The following SPOCK1 variants were observed in gnomAD, a reference collection of about 807,000 sequenced individuals.
The protein encoded by SPOCK1 is SPARC (osteonectin), cwcv and kazal like domains proteoglycan 1.
Under a neutral mutation model 55.3 loss-of-function variants are expected in SPOCK1, and 23 were observed. The observed-to-expected ratio is 0.42, with a 90% CI of 0.30 to 0.59. SPOCK1 has a LOEUF of 0.59. SPOCK1 is among the 20% of genes least tolerant of loss of function. The probability of loss-of-function intolerance (pLI) is 0.22; values close to 1 mark genes in which losing one functional copy is unlikely to be tolerated. For synonymous variants in SPOCK1, 226 were observed against 221.0 expected (o/e 1.02, Z -0.20); for missense variants, 499 against 552.5 (o/e 0.90, Z 0.97).
At chr5:136,998,496 G>A (rs891568912) in intron 6 of SPOCK1, among the ~76,000 whole-genome samples, 4 of 152,206 alleles carry the variant, frequency 2.6e-5, no homozygotes, top group African/African-American at 9.6e-5. Context: ...ATCCTGCTGG[G>A]CCATCCCCAC....
At chr5:137,059,842 T>C (rs964338568) in intron 6 of SPOCK1, among the ~76,000 whole-genome samples, 3 of 152,080 alleles carry the variant, frequency 2.0e-5, no homozygotes, top group Non-Finnish European at 2.9e-5. Context: ...AACAAGCATA[T>C]GAAAAAATGC....
rs533159672 is a variant in SPOCK1, at chr5:137,418,997, C to T, written c.186+79376G>A. Among the ~76,000 whole-genome samples, 3 of 152,258 alleles carry T rather than the reference C, an allele frequency of 2.0e-5. No individual in the cohort carries two copies. In the South Asian group the frequency reaches 6.2e-4, roughly 32 times the overall value. On this transcript the variant is annotated intron_variant, in intron 2 of 10. Coordinates refer to ENST00000394945, the MANE Select transcript of SPOCK1 (RefSeq NM_004598.4). ...TTTGTATAAGGTGTAAGGAAGGGATCCAGTTTCAGCTTTCTACATATGGCT... is the reference window on the plus strand; with the variant it reads ...TTTGTATAAGGTGTAAGGAAGGGATTCAGTTTCAGCTTTCTACATATGGCT...
chr5:137,256,093 C>T (rs1756624801), intron 3 of SPOCK1, among the ~76,000 whole-genome samples: 3 of 152,286 alleles, frequency 2.0e-5, no homozygotes, highest in Admixed American at 6.5e-5. Flanking sequence ...ACATGGGTTC[C>T]ACTTTTGTTC....
intron 2 of SPOCK1, among the ~76,000 whole-genome samples, chr5:137,488,305 C>A (rs574037466): frequency 6.6e-6 from 1 of 151,918 alleles, no homozygotes; most frequent in Non-Finnish European, 1.5e-5. Context: ...TGAACCCAAG[C>A]GGCAGAGGTT....
At chr5:137,067,285 TAAAG>T (rs1752527373) in intron 6 of SPOCK1, among the ~76,000 whole-genome samples, 1 of 152,180 alleles carries the variant, frequency 6.6e-6, no homozygotes, top group African/African-American at 2.4e-5. Context: ...AATATATTAA[TAAAG>T]AAATACTTTA....
chr5:137,067,917 TCACAA>T, intron 5 of SPOCK1, 88 bp from the exon 6 acceptor site: 1 of 1,078,926 alleles, frequency 9.3e-7, no homozygotes, highest in Non-Finnish European at 1.4e-6. Context: ...GCCCTTTGCT[TCACAA>T]AAGCAAAGAC....
chr5:137,069,718 G>A (rs115736824), intron 5 of SPOCK1, among the ~76,000 whole-genome samples: 88 of 152,290 alleles, frequency 5.8e-4, no homozygotes, highest in African/African-American at 1.9e-3. Context: ...TGCCTCCTCC[G>A]CCTCTTCTGG....
intron 6 of SPOCK1, among the ~76,000 whole-genome samples, chr5:136,996,881 G>A (rs1235951603): frequency 6.6e-6 from 1 of 152,106 alleles, no homozygotes; most frequent in Non-Finnish European, 1.5e-5. Context: ...AACCCTCTCG[G>A]TTCCCCTTCC....
rs1258794443 is a variant in SPOCK1, at chr5:136,976,207, C to T, written c.*2447G>A. 10 of 152,170 alleles carry T rather than the reference C, an allele frequency of 6.6e-5. No homozygotes were observed. The highest frequency in any genetic ancestry group is 2.4e-4 in the African/African-American group (10 of 41,440). The allele number at this position is 152,170 out of a possible 1,614,324, so 9.4% of individuals were successfully genotyped here. ...CGAATGCTGTCATGTCAAAGTGAGG[C>T]ATGAAAAGTATTATTAATGTGGCTC... On this transcript the variant is annotated 3_prime_UTR_variant, in exon 11 of 11. Coordinates refer to ENST00000394945, the MANE Select transcript of SPOCK1 (RefSeq NM_004598.4).
chr5:137,301,445 A>G (rs564312020), intron 2 of SPOCK1, among the ~76,000 whole-genome samples: 12 of 152,252 alleles, frequency 7.9e-5, no homozygotes, highest in Admixed American at 2.6e-4. Context: ...ACCAGTTGTG[A>G]ACTCCTTCAG....
intron 7 of SPOCK1, 80 bp from the exon 8 acceptor site, chr5:136,988,723 A>G: frequency 7.3e-7 from 1 of 1,375,136 alleles, no homozygotes; most frequent in Non-Finnish European, 9.9e-7. Context: ...TTCTGCCCCA[A>G]GAAGATGCCA....
At chr5:137,243,949 A>G (rs964549379) in intron 3 of SPOCK1, among the ~76,000 whole-genome samples, 1 of 152,212 alleles carries the variant, frequency 6.6e-6, no homozygotes, top group Non-Finnish European at 1.5e-5. Context: ...ATTTAACCAG[A>G]TAAAAGCAAT....
chr5:137,221,720 T>C (rs1755852249), intron 3 of SPOCK1, among the ~76,000 whole-genome samples: 1 of 152,248 alleles, frequency 6.6e-6, no homozygotes. Context: ...GGCATGAATA[T>C]TCATTATTTT....
intron 6 of SPOCK1, among the ~76,000 whole-genome samples, chr5:137,062,681 C>T (rs1752416084): frequency 6.6e-6 from 1 of 151,776 alleles, no homozygotes; most frequent in African/African-American, 2.4e-5. Context: ...ACGGGGCTGA[C>T]TGTTGGGTCC....
chr5:137,401,389 C>T (rs897468498), intron 2 of SPOCK1, among the ~76,000 whole-genome samples: 18 of 151,902 alleles, frequency 1.2e-4, no homozygotes, highest in African/African-American at 4.1e-4. Flanking sequence ...CAGGTTGACC[C>T]TATGCAGCAG....
chr5:137,065,849 TG>T (rs1752498324), intron 6 of SPOCK1, among the ~76,000 whole-genome samples: 1 of 152,224 alleles, frequency 6.6e-6, no homozygotes, highest in Admixed American at 6.5e-5. Context: ...TTAATGGCAA[TG>T]GGGTTACTTG....
At chr5:137,058,095 C>T (rs972056891) in intron 6 of SPOCK1, among the ~76,000 whole-genome samples, 6 of 152,116 alleles carry the variant, frequency 3.9e-5, no homozygotes, top group South Asian at 2.1e-4. Context: ...CTCTGAGTAC[C>T]GAAAGCATGG....
In SPOCK1 at chr5:136,992,530, A is replaced by G. The variant is rs148174059; in HGVS notation, c.660T>C (p.Asp220=). Residue 220 remains aspartate (D), a synonymous_variant, in exon 7 of 11, where the codon GAT becomes GAC. Transcript: ENST00000394945. ...LKDWFGALHE[D]ANRVIKPTSS... is the part of the protein sequence containing the mutation. ...TGGTGGGCTTGATGACTCTGTTCGC[A>G]TCCTCGTGGAGAGCTCCAAACCAAT... The G allele has an allele frequency of 4.9e-4, 785 of 1,613,804 alleles. 1 individual carries two copies. The highest frequency in any genetic ancestry group is 6.3e-4 in the Non-Finnish European group (738 of 1,179,892).
chr5:137,387,003 C>T (rs565719617), intron 2 of SPOCK1, among the ~76,000 whole-genome samples: 150 of 152,164 alleles, frequency 9.9e-4, no homozygotes, highest in African/African-American at 3.5e-3. Context: ...AGTCAAAGAC[C>T]TTAACAGACA....
Sources: gnomAD v4.1 joint callset for allele counts (sites outside exome capture counted in the v4.1 genomes callset) on GRCh38, gnomAD v4.1.1 for gene constraint, MANE v1.5 for transcripts, NCBI Gene and HGNC (gene_info 2026-07-23, HGNC 2026-07-21) for gene names.